The following PLCE1 variants were observed in gnomAD, a reference collection of about 807,000 sequenced individuals.
The protein encoded by PLCE1 is 1-phosphatidylinositol 4,5-bisphosphate phosphodiesterase epsilon-1.
PLCE1 carries 119 observed loss-of-function variants against 242.8 expected under a neutral mutation model. The observed-to-expected ratio is 0.49, with a 90% confidence interval of 0.42 to 0.57. PLCE1 has a LOEUF of 0.57. PLCE1 is among the 20% of genes least tolerant of loss of function. PLCE1 has a pLI of 0.00. For missense variants in PLCE1, 2,441 were observed against 2,788.8 expected (o/e 0.88, Z 2.81); for synonymous variants, 945 against 1,017.4 (o/e 0.93, Z 1.35).
intron 2 of PLCE1, among the ~76,000 whole-genome samples, chr10:94,123,828 CGTT>C (rs1377490152): frequency 1.3e-5 from 2 of 152,156 alleles, no homozygotes; most frequent in African/African-American, 2.4e-5. Flanking sequence ...GAGGCCCCTG[CGTT>C]GTTACCACCT....
intron 4 of PLCE1, among the ~76,000 whole-genome samples, chr10:94,173,774 C>A (rs1343346298): frequency 6.6e-6 from 1 of 152,118 alleles, no homozygotes; most frequent in African/African-American, 2.4e-5. Flanking sequence ...AACAAGATTT[C>A]TGGGAAAACA....
intron 2 of PLCE1, among the ~76,000 whole-genome samples, chr10:94,099,345 G>C (rs1326910792): frequency 1.3e-5 from 2 of 152,282 alleles, no homozygotes; most frequent in South Asian, 4.1e-4. Flanking sequence ...TGCCAGTCCT[G>C]TGCTCAGTAC....
At chr10:93,994,349 G>A (rs2060777871) in intron 1 of PLCE1, among the ~76,000 whole-genome samples, 91 bp downstream of exon 1, 1 of 152,208 alleles carries the variant, frequency 6.6e-6, no homozygotes, top group Admixed American at 6.5e-5. Context: ...CCCGCCTAAG[G>A]GAGCAGCCCG....
chr10:94,110,576 T>C (rs915144396), intron 2 of PLCE1, among the ~76,000 whole-genome samples: 9 of 152,206 alleles, frequency 5.9e-5, no homozygotes, highest in African/African-American at 2.2e-4. Context: ...TATAGTAATA[T>C]GGAGAAAAAC....
At chr10:94,312,520 G>A (rs550485776) in intron 27 of PLCE1, among the ~76,000 whole-genome samples, 1 of 152,248 alleles carries the variant, frequency 6.6e-6, no homozygotes, top group South Asian at 2.1e-4. Flanking sequence ...AATTACACTA[G>A]GTCCTTCAAG....
intron 2 of PLCE1, among the ~76,000 whole-genome samples, chr10:94,066,846 A>G (rs1360594448): frequency 6.6e-6 from 1 of 152,200 alleles, no homozygotes; most frequent in Non-Finnish European, 1.5e-5. Context: ...GCAGTCCTAA[A>G]ATGTCCCTTG....
chr10:94,328,186 T>G lies in PLCE1; in HGVS notation c.*243T>G. On this transcript the variant is annotated 3_prime_UTR_variant, in exon 33 of 33. Transcript: ENST00000371380. ...ACTGCCATTTTATAAATGTCAGCAGTTGGAAAAATCGTCACGAATTGACTT... is the reference window on the plus strand; with the variant it reads ...ACTGCCATTTTATAAATGTCAGCAGGTGGAAAAATCGTCACGAATTGACTT... 1 of 300,802 alleles carries G rather than the reference T, an allele frequency of 3.3e-6. No homozygotes were observed. Among genetic ancestry groups the G allele is most frequent in the South Asian group, 3.3e-5 (1 of 30,002 alleles). 18.6% of individuals were successfully genotyped at this position (300,802 alleles called of 1,614,324 possible).
chr10:94,206,783 C>T (rs1241096549), intron 4 of PLCE1, among the ~76,000 whole-genome samples: 1 of 152,152 alleles, frequency 6.6e-6, no homozygotes, highest in Non-Finnish European at 1.5e-5. Flanking sequence ...TTTTCCCCAG[C>T]CTCTCTTTAT....
intron 5 of PLCE1, among the ~76,000 whole-genome samples, chr10:94,229,574 G>A (rs559600713): frequency 5.3e-5 from 8 of 152,338 alleles, no homozygotes; most frequent in Non-Finnish European, 1.2e-4. Flanking sequence ...ATGGGAGGCC[G>A]TCTTGGAGGC....
chr10:94,247,631 A>G (rs901977954), intron 8 of PLCE1, among the ~76,000 whole-genome samples: 1 of 152,142 alleles, frequency 6.6e-6, no homozygotes, highest in Admixed American at 6.5e-5. Context: ...GGTTGAAAGA[A>G]ATTTTTCCAA....
intron 16 of PLCE1, 144 bp downstream of exon 16, chr10:94,266,102 T>C: frequency 1.3e-6 from 1 of 777,636 alleles, no homozygotes; most frequent in Admixed American, 2.4e-5. Flanking sequence ...AACCATGATG[T>C]GTGGGAAAAC....
chr10:94,314,195 G>A (rs1407991210), intron 28 of PLCE1, among the ~76,000 whole-genome samples: 1 of 152,216 alleles, frequency 6.6e-6, no homozygotes, highest in African/African-American at 2.4e-5. Flanking sequence ...AAAGGGCGAG[G>A]CAGGGCCCAT....
At chr10:94,163,268 C>G (rs2047678590) in intron 3 of PLCE1, among the ~76,000 whole-genome samples, 1 of 152,090 alleles carries the variant, frequency 6.6e-6, no homozygotes, top group African/African-American at 2.4e-5. Context: ...TTAAAGTCTC[C>G]CATTATTATT....
chr10:94,250,472 G>T (rs1192944554), intron 8 of PLCE1, among the ~76,000 whole-genome samples: 1 of 151,996 alleles, frequency 6.6e-6, no homozygotes, highest in Non-Finnish European at 1.5e-5. Context: ...CTGCACTCCA[G>T]CCTGGGCGAC....
chr10:94,295,335 G>T (rs1475540315), intron 23 of PLCE1, among the ~76,000 whole-genome samples: 1 of 152,042 alleles, frequency 6.6e-6, no homozygotes, highest in Non-Finnish European at 1.5e-5. Context: ...CAGGATCTTC[G>T]CCAAGAGTAG....
chr10:94,163,677 G>A (rs1039769832), intron 3 of PLCE1, among the ~76,000 whole-genome samples: 12 of 152,084 alleles, frequency 7.9e-5, no homozygotes, highest in Non-Finnish European at 2.9e-5. Flanking sequence ...ATATTGTTAT[G>A]TGTGAATTTG....
Position 94,171,206 on chromosome 10 carries a change from A to G in PLCE1, c.1519A>G (p.Asn507Asp), listed in dbSNP as rs766326899. The change falls in exon 4 of 33, where the codon AAT (asparagine) becomes GAT (aspartate). Residue 507 changes from asparagine (N) to aspartate (D), a missense_variant. Transcript: ENST00000371380. ...ACGCCAGCCAGGCCCCTCTGTGGCC[A>G]ATTCCAATGCCCTCCCTTCAAGTTC... ...KERQPGPSVA[N>D]SNALPSSSAG... 1 of 1,614,204 alleles carries G rather than the reference A, an allele frequency of 6.2e-7. No homozygotes were observed. Among genetic ancestry groups the G allele is most frequent in the Non-Finnish European group, 8.5e-7 (1 of 1,180,024 alleles).
chr10:94,227,665 C>T (rs2049994150), intron 5 of PLCE1, among the ~76,000 whole-genome samples: 1 of 152,232 alleles, frequency 6.6e-6, no homozygotes, highest in African/African-American at 2.4e-5. Flanking sequence ...AATCCTACTT[C>T]ACTGGGTCTG....
At chr10:94,322,563 T>C (rs1011009103) in intron 30 of PLCE1, among the ~76,000 whole-genome samples, 18 of 152,164 alleles carry the variant, frequency 1.2e-4, no homozygotes, top group Admixed American at 1.1e-3. Context: ...GGCGGGTGGA[T>C]TGCCTGAGGT....
Sources: gnomAD v4.1 joint callset for allele counts (sites outside exome capture counted in the v4.1 genomes callset) on GRCh38, gnomAD v4.1.1 for gene constraint, MANE v1.5 for transcripts, NCBI Gene and HGNC (gene_info 2026-07-23, HGNC 2026-07-21) for gene names.